The following FAM13A variants were observed in gnomAD, a reference collection of about 807,000 sequenced individuals.
FAM13A encodes the protein protein FAM13A.
A neutral mutation model predicts 129.6 loss-of-function variants in FAM13A; 76 were observed. That is an observed-to-expected ratio of 0.59 (90% CI 0.49 to 0.71). The LOEUF is 0.71. Ranked by LOEUF, FAM13A falls within the 30% of genes least tolerant of loss-of-function variation. FAM13A has a pLI of 0.00. For synonymous variants in FAM13A, 443 were observed against 449.9 expected (o/e 0.98, Z 0.20); for missense variants, 1,108 against 1,249.3 (o/e 0.89, Z 1.70).
At chr4:88,746,812 T>C in intron 19 of FAM13A, 120 bp downstream of exon 19, 1 of 690,402 alleles carries the variant, frequency 1.4e-6, no homozygotes, top group East Asian at 2.6e-5. Context: ...TAACCTCCTT[T>C]ATCCTAAAAG....
chr4:89,052,829 G>A (rs920557261), intron 1 of FAM13A, among the ~76,000 whole-genome samples: 9 of 151,916 alleles, frequency 5.9e-5, no homozygotes, highest in African/African-American at 2.2e-4. Context: ...TCCATCTTTA[G>A]GTCATTTATC....
chr4:88,862,977 G>A (rs1375660154), intron 6 of FAM13A, among the ~76,000 whole-genome samples: 1 of 150,114 alleles, frequency 6.7e-6, no homozygotes, highest in Non-Finnish European at 1.5e-5. Flanking sequence ...CCTTCATTTA[G>A]CCAAAGAAAA....
At chr4:88,923,352 C>A (rs915951514) in intron 5 of FAM13A, among the ~76,000 whole-genome samples, 1 of 152,172 alleles carries the variant, frequency 6.6e-6, no homozygotes, top group African/African-American at 2.4e-5. Flanking sequence ...AGCTTATCCA[C>A]CATGATCAAG....
intron 10 of FAM13A, among the ~76,000 whole-genome samples, chr4:88,782,475 T>C (rs562090518): frequency 9.3e-4 from 142 of 152,056 alleles, no homozygotes; most frequent in Non-Finnish European, 1.9e-3. Flanking sequence ...AGAGTAAAAA[T>C]ACATATCATA....
intron 5 of FAM13A, among the ~76,000 whole-genome samples, chr4:88,914,969 G>A (rs1749853781): frequency 6.6e-6 from 1 of 152,200 alleles, no homozygotes; most frequent in Non-Finnish European, 1.5e-5. Context: ...CATTATGACA[G>A]GGAGGAACTG....
intron 6 of FAM13A, among the ~76,000 whole-genome samples, chr4:88,876,100 T>A (rs990347877): frequency 2.0e-5 from 3 of 152,072 alleles, no homozygotes; most frequent in Non-Finnish European, 2.9e-5. Context: ...ATGAGAACAC[T>A]TGGACACAGG....
Position 88,973,392 on chromosome 4 carries a change from C to T in FAM13A, c.605+17581G>A, listed in dbSNP as rs150385608. Reference sequence around the variant, plus strand: ...AGTTTTGGAGGTTTCTATTGAAATGCCCTCAAGCTCAGAAATTCTTTCCTC... The same window carrying T: ...AGTTTTGGAGGTTTCTATTGAAATGTCCTCAAGCTCAGAAATTCTTTCCTC... On this transcript the variant is annotated intron_variant, in intron 4 of 23. Transcript: ENST00000264344. 2.2e-4 allele frequency among the ~76,000 whole-genome samples: 34 copies of T among 152,124 alleles called. No individual in the cohort carries two copies. In the East Asian group the frequency reaches 6.4e-3, roughly 29 times the overall value.
chr4:88,767,621 A>C, intron 12 of FAM13A, 26 bp from the exon 13 acceptor site: 1 of 1,543,864 alleles, frequency 6.5e-7, no homozygotes, highest in Middle Eastern at 1.7e-4. Flanking sequence ...ACAACAAAAA[A>C]ATCATAAAAT....
chr4:88,923,741 T>C (rs1751564041), intron 5 of FAM13A, among the ~76,000 whole-genome samples: 1 of 152,092 alleles, frequency 6.6e-6, no homozygotes, highest in African/African-American at 2.4e-5. Context: ...GGTATTCAAT[T>C]AGGAAAAGAG....
intron 11 of FAM13A, among the ~76,000 whole-genome samples, chr4:88,776,114 T>TTTC (rs1406405749): frequency 1.3e-5 from 2 of 152,204 alleles, no homozygotes; most frequent in Non-Finnish European, 1.5e-5. Context: ...AAATGTAATA[T>TTTC]TATAGAATTC....
chr4:88,945,988 G>GTGTGTGTGTGTGTGTA (rs796180552), intron 4 of FAM13A, among the ~76,000 whole-genome samples: 1 of 13,674 alleles, frequency 7.3e-5, no homozygotes, highest in African/African-American at 3.3e-4. Flanking sequence ...GTGTGTGTGT[G>GTGTGTGTGTGTGTGTA]TGTATATATA....
intron 4 of FAM13A, among the ~76,000 whole-genome samples, chr4:88,950,942 A>C (rs1756845993): frequency 2.6e-5 from 4 of 152,200 alleles, no homozygotes; most frequent in Admixed American, 1.3e-4. Context: ...GTTTCAGAGA[A>C]CCTGCATTAG....
rs536483625 is a variant in FAM13A at position 88,758,656 on chromosome 4, C to T, written c.1726+98G>A. ...TGCAGTTACTTCTGCATGCATAGCT[C>T]TTTCACCCACACTCTCACATAGTTA... On this transcript the variant is annotated intron_variant, in intron 14 of 23. Transcript: ENST00000264344. 75 of 1,266,446 alleles carry T rather than the reference C, an allele frequency of 5.9e-5. No homozygotes were observed. The South Asian group carries it at 1.0e-3, about 17-fold the overall frequency. The allele number at this position is 1,266,446 out of a possible 1,614,324, so 78.5% of individuals were successfully genotyped here. A position where few individuals can be genotyped will look rare whatever the true frequency, so the allele number is the denominator to read the frequency against.
intron 5 of FAM13A, among the ~76,000 whole-genome samples, chr4:88,925,555 T>C (rs1471326600): frequency 3.9e-5 from 2 of 50,644 alleles, no homozygotes; most frequent in Non-Finnish European, 7.1e-5. Context: ...GGGACTGTTG[T>C]GGGGTGGGGG....
chr4:88,769,534 T>C (rs1002339054), intron 11 of FAM13A, among the ~76,000 whole-genome samples: 5 of 152,110 alleles, frequency 3.3e-5, no homozygotes, highest in African/African-American at 1.2e-4. Context: ...TAAAATGATA[T>C]GTAAAGTACT....
intron 6 of FAM13A, among the ~76,000 whole-genome samples, chr4:88,892,338 C>T (rs1233444249): frequency 6.6e-6 from 1 of 152,002 alleles, no homozygotes; most frequent in Non-Finnish European, 1.5e-5. Context: ...CGCCACCACG[C>T]CTGGCTAATT....
intron 3 of FAM13A, among the ~76,000 whole-genome samples, chr4:89,013,170 G>A (rs1474951244): frequency 1.3e-5 from 2 of 151,008 alleles, no homozygotes; most frequent in Non-Finnish European, 2.9e-5. Flanking sequence ...TACTGTAAGG[G>A]TACCTCACAC....
chr4:89,025,245 G>GTTTTTTTGTTTT (rs1767783027), intron 2 of FAM13A, among the ~76,000 whole-genome samples: 1 of 61,362 alleles, frequency 1.6e-5, no homozygotes. Context: ...TGGAATCATT[G>GTTTTTTTGTTTT]TTTTTTTTTT....
At chr4:88,914,133 A>G (rs1284738867) in intron 5 of FAM13A, among the ~76,000 whole-genome samples, 1 of 152,170 alleles carries the variant, frequency 6.6e-6, no homozygotes, top group Non-Finnish European at 1.5e-5. Context: ...TCTTGCATTC[A>G]ACCCGCCAAG....
Sources: allele counts gnomAD v4.1 joint callset (sites outside exome capture counted in the v4.1 genomes callset), GRCh38; gene constraint gnomAD v4.1.1; transcripts MANE v1.5; gene names NCBI Gene and HGNC (gene_info 2026-07-23, HGNC 2026-07-21).